Variants in ATRNL1 observed in about 807,000 individuals in gnomAD.
ATRNL1 encodes attractin-like protein 1.
In ATRNL1, 95 loss-of-function variants were observed where a neutral mutation model predicts 182.7. The ratio of observed to expected loss-of-function variants is 0.52; its 90% CI spans 0.44 to 0.62. ATRNL1 has a LOEUF of 0.62. Ranked by LOEUF, ATRNL1 falls within the 20% of genes least tolerant of loss-of-function variation. The pLI is 0.00. For synonymous variants in ATRNL1, 576 were observed against 568.3 expected, an observed-to-expected ratio of 1.01 and a Z score of -0.19; for missense variants, 1,471 against 1,679.5, an observed-to-expected ratio of 0.88 and a Z score of 2.17.
chr10:115,768,726 G>A (rs1250266185), intron 27 of ATRNL1, among the ~76,000 whole-genome samples: 4 of 151,846 alleles, frequency 2.6e-5, no homozygotes, highest in African/African-American at 4.8e-5. Context: ...TTTTAACTTA[G>A]CTCATTTTAT....
intron 27 of ATRNL1, among the ~76,000 whole-genome samples, chr10:115,788,685 A>G (rs782649549): frequency 2.0e-5 from 3 of 152,224 alleles, no homozygotes; most frequent in Non-Finnish European, 4.4e-5. Context: ...ACCAGTGTCT[A>G]CTGGGCAGAA....
intron 27 of ATRNL1, among the ~76,000 whole-genome samples, chr10:115,751,833 A>T (rs1948457458): frequency 1.3e-5 from 2 of 152,068 alleles, no homozygotes; most frequent in African/African-American, 2.4e-5. Flanking sequence ...CTTTACCTAC[A>T]CATATATATT....
rs189293810 is a variant in ATRNL1 at position 115,487,432 on chromosome 10, A to C, written c.3654+18103A>C. 1.2e-3 allele frequency among the ~76,000 whole-genome samples: 188 copies of C among 152,256 alleles called. 3 individuals carry two copies. Among genetic ancestry groups the C allele is most frequent in the Non-Finnish European group, 3.2e-4 (22 of 68,032 alleles). ...CTTATTTCCTTCAGCAGTGGTTTGT[A>C]GTTCTCCTTGAGGAGGTCCTTCACA... On this transcript the variant is annotated intron_variant, in intron 24 of 28. Transcript: ENST00000355044.
chr10:115,601,897 T>C (rs76831479), intron 26 of ATRNL1, among the ~76,000 whole-genome samples: 8,112 of 152,158 alleles, frequency 0.053, 683 homozygotes, highest in African/African-American at 0.18. Context: ...CCCATCTGGA[T>C]TTTTCCTCTA....
At chr10:115,324,368 C>T (rs1854759445) in intron 18 of ATRNL1, among the ~76,000 whole-genome samples, 1 of 152,126 alleles carries the variant, frequency 6.6e-6, no homozygotes, top group African/African-American at 2.4e-5. Context: ...AGAGACTGTC[C>T]TGCAAAGCAT....
intron 19 of ATRNL1, among the ~76,000 whole-genome samples, chr10:115,390,988 T>C (rs1843987307): frequency 6.6e-6 from 1 of 152,232 alleles, no homozygotes; most frequent in Admixed American, 6.5e-5. Context: ...TTTTTGTATG[T>C]TGATTTTGTA....
At chr10:115,582,210 TGCAC>T in intron 26 of ATRNL1, among the ~76,000 whole-genome samples, 1 of 101,704 alleles carries the variant, frequency 9.8e-6, no homozygotes. Flanking sequence ...AACATACGTG[TGCAC>T]GTGTCTTTAT....
intron 26 of ATRNL1, among the ~76,000 whole-genome samples, chr10:115,687,834 A>G (rs1414098658): frequency 6.6e-6 from 1 of 152,018 alleles, no homozygotes; most frequent in Non-Finnish European, 1.5e-5. Context: ...TCTCTCTTGT[A>G]CTTATTTCAA....
At chr10:115,894,166 C>T (rs902392900) in intron 28 of ATRNL1, among the ~76,000 whole-genome samples, 2 of 152,090 alleles carry the variant, frequency 1.3e-5, no homozygotes, top group African/African-American at 2.4e-5. Context: ...ATCAAAGATG[C>T]ACCAAAGGGC....
chr10:115,761,141 A>T (rs1948725787), intron 27 of ATRNL1, among the ~76,000 whole-genome samples: 1 of 152,238 alleles, frequency 6.6e-6, no homozygotes, highest in Non-Finnish European at 1.5e-5. Flanking sequence ...TAATCAAAAG[A>T]AAGCTGAAAA....
At chr10:115,403,919 T>C (rs1411094884) in intron 20 of ATRNL1, among the ~76,000 whole-genome samples, 1 of 152,222 alleles carries the variant, frequency 6.6e-6, no homozygotes, top group Non-Finnish European at 1.5e-5. Context: ...AAACATTTAT[T>C]CACTGAGAGG....
In ATRNL1 at chr10:115,426,320, C is replaced by G; in HGVS notation, c.3322+18C>G. On this transcript the variant is annotated intron_variant, in intron 21 of 28. Coordinates refer to ENST00000355044, the MANE Select transcript of ATRNL1 (RefSeq NM_207303.4). ...ATGTTATTGTAAGTATATGTGTATT[C>G]TTCATTTTAAATAATTGGTGCATAC... 1 of 1,569,608 alleles carries G rather than the reference C, an allele frequency of 6.4e-7. No individual in the cohort carries two copies. The highest frequency in any genetic ancestry group is 8.7e-7 in the Non-Finnish European group (1 of 1,145,834).
At chr10:115,604,593 C>G (rs1275004474) in intron 26 of ATRNL1, among the ~76,000 whole-genome samples, 5 of 152,142 alleles carry the variant, frequency 3.3e-5, no homozygotes, top group Admixed American at 3.3e-4. Flanking sequence ...TGACACCCTA[C>G]AACTCAGCCT....
chr10:115,140,951 C>G (rs1845732423), intron 5 of ATRNL1, among the ~76,000 whole-genome samples: 1 of 152,092 alleles, frequency 6.6e-6, no homozygotes, highest in Non-Finnish European at 1.5e-5. Flanking sequence ...TCCTAGAAAA[C>G]CCTTACCCCA....
intron 27 of ATRNL1, among the ~76,000 whole-genome samples, chr10:115,847,450 T>C (rs895987315): frequency 2.3e-4 from 35 of 152,146 alleles, no homozygotes; most frequent in Admixed American, 1.9e-3. Flanking sequence ...ACTATGTATA[T>C]GTATATGTAT....
chr10:115,290,338 AC>A (rs1486812345), intron 15 of ATRNL1, among the ~76,000 whole-genome samples: 3 of 152,140 alleles, frequency 2.0e-5, no homozygotes, highest in East Asian at 1.9e-4. Flanking sequence ...AATCAAGGAC[AC>A]AGACACACAA....
chr10:115,897,489 G>T (rs1555112776), intron 28 of ATRNL1, among the ~76,000 whole-genome samples: 1 of 152,196 alleles, frequency 6.6e-6, no homozygotes, highest in Admixed American at 6.5e-5. Context: ...ATCGGAAGGA[G>T]ATACAGTTGA....
At chr10:115,539,909 A>G (rs1554991474) in intron 25 of ATRNL1, among the ~76,000 whole-genome samples, 1 of 149,648 alleles carries the variant, frequency 6.7e-6, no homozygotes, top group African/African-American at 2.5e-5. Flanking sequence ...CATGATGGAA[A>G]AGTAGAGCCC....
At chr10:115,548,358 G>GA (rs1189508475) in intron 25 of ATRNL1, among the ~76,000 whole-genome samples, 4 of 152,146 alleles carry the variant, frequency 2.6e-5, no homozygotes, top group Admixed American at 1.3e-4. Flanking sequence ...TAGGCAAGGA[G>GA]AAAAAATATA....
Sources: allele counts gnomAD v4.1 joint callset (sites outside exome capture counted in the v4.1 genomes callset), GRCh38; gene constraint gnomAD v4.1.1; transcripts MANE v1.5; gene names NCBI Gene and HGNC (gene_info 2026-07-23, HGNC 2026-07-21).